The following EFCAB11 variants were observed in gnomAD, a reference collection of about 807,000 sequenced individuals.
EFCAB11 encodes the protein EF-hand calcium-binding domain-containing protein 11.
In EFCAB11, 14 loss-of-function variants were observed where a neutral mutation model predicts 23.0. That is an observed-to-expected ratio of 0.61 (90% CI 0.40 to 0.95). The LOEUF (loss-of-function observed/expected upper bound fraction) is 0.95. EFCAB11 is among the 40% of genes least tolerant of loss of function. EFCAB11 has a pLI of 0.00. For missense variants in EFCAB11, 198 were observed against 195.8 expected (o/e 1.01, Z -0.07); for synonymous variants, 65 against 66.6 (o/e 0.98, Z 0.11).
At chr14:89,878,815 T>C (rs142443506) in intron 5 of EFCAB11, among the ~76,000 whole-genome samples, 8 of 152,212 alleles carry the variant, frequency 5.3e-5, no homozygotes, top group Non-Finnish European at 8.8e-5. Context: ...CTTTCTTGGC[T>C]CTTCTCATTT....
At chr14:89,924,331 G>T in intron 5 of EFCAB11, 1 of 1,080,528 alleles carries the variant, frequency 9.3e-7, no homozygotes, top group Non-Finnish European at 1.1e-6. Context: ...TTGGTGCCTC[G>T]ATATTGCCAC....
At chr14:89,923,991 GC>G (rs1385160449) in intron 5 of EFCAB11, 1 of 944,318 alleles carries the variant, frequency 1.1e-6, no homozygotes, top group Non-Finnish European at 1.2e-6. Context: ...TAACAGAAGA[GC>G]CTATTTGTTT....
rs190311143 is a variant in EFCAB11 at position 89,923,741 on chromosome 14, T to C, written c.410+7800A>G. 13 of 985,430 alleles carry C rather than the reference T, an allele frequency of 1.3e-5. No individual in the cohort carries two copies. In the African/African-American group the frequency reaches 2.1e-4, roughly 16 times the overall value. 61.0% of individuals were successfully genotyped at this position (985,430 alleles called of 1,614,324 possible). ...TAACTGTGATCTTACTGAAGTTGCA[T>C]GATCATACACAGAATCATTCTGAAG... On this transcript the variant is annotated intron_variant, in intron 5 of 5. Transcript: ENST00000316738.
At chr14:89,881,692 C>T (rs1221223924) in intron 5 of EFCAB11, among the ~76,000 whole-genome samples, 2 of 151,408 alleles carry the variant, frequency 1.3e-5, no homozygotes, top group African/African-American at 4.9e-5. Context: ...AGGTGATCTA[C>T]CCACCTTGGC....
At chr14:89,936,462 G>A (rs1890585571) in intron 3 of EFCAB11, among the ~76,000 whole-genome samples, 1 of 152,120 alleles carries the variant, frequency 6.6e-6, no homozygotes, top group Non-Finnish European at 1.5e-5. Flanking sequence ...CACTTAAAAG[G>A]AAAACCCATC....
intron 5 of EFCAB11, among the ~76,000 whole-genome samples, chr14:89,822,689 A>G (rs1030904686): frequency 6.6e-6 from 1 of 152,238 alleles, no homozygotes; most frequent in African/African-American, 2.4e-5. Context: ...GGTACAGATC[A>G]GCTGGATGGC....
chr14:89,817,283 AG>A (rs971083530), intron 5 of EFCAB11, among the ~76,000 whole-genome samples: 1 of 151,414 alleles, frequency 6.6e-6, no homozygotes, highest in South Asian at 2.1e-4. Flanking sequence ...TGGGAGGCCA[AG>A]GGGGGAGAAC....
At chr14:89,937,411 T>C (rs1260894404) in intron 3 of EFCAB11, among the ~76,000 whole-genome samples, 3 of 152,204 alleles carry the variant, frequency 2.0e-5, no homozygotes, top group Non-Finnish European at 4.4e-5. Context: ...GGACCAATGA[T>C]CTTTACAAAT....
intron 3 of EFCAB11, among the ~76,000 whole-genome samples, chr14:89,947,941 TC>T (rs1891036931): frequency 6.6e-6 from 1 of 152,104 alleles, no homozygotes; most frequent in Non-Finnish European, 1.5e-5. Context: ...TCAAACATAC[TC>T]AAAATTGAGC....
chr14:89,818,310 T>G (rs1340667421), intron 5 of EFCAB11, among the ~76,000 whole-genome samples: 1 of 152,046 alleles, frequency 6.6e-6, no homozygotes, highest in Non-Finnish European at 1.5e-5. Flanking sequence ...TAAAGACAAG[T>G]GAGAAAGACC....
In EFCAB11 at chr14:89,931,548, C is replaced by T. The variant is rs771339492; in HGVS notation, c.403G>A (p.Val135Ile). 1 of 1,613,904 alleles carries T rather than the reference C, an allele frequency of 6.2e-7. No individual in the cohort carries two copies. ...PKLPERTVLE[V>I]FREVDRDSDG... ...AGGATTTTGATGCCTTACCTGAATA[C>T]CTCAAGAACAGTCCTTTCCGGTAAT... The change falls in exon 5 of 6, where the codon GTA becomes ATA. Residue 135 changes from valine (V) to isoleucine (I), a missense_variant. Transcript: ENST00000316738.
intron 5 of EFCAB11, among the ~76,000 whole-genome samples, chr14:89,836,015 T>C (rs892190322): frequency 2.0e-5 from 3 of 152,118 alleles, no homozygotes; most frequent in Admixed American, 2.0e-4. Flanking sequence ...GCTAAGATTT[T>C]GCTAGGCAGG....
chr14:89,837,642 C>T (rs1398959279), intron 5 of EFCAB11, among the ~76,000 whole-genome samples: 4 of 152,080 alleles, frequency 2.6e-5, no homozygotes, highest in African/African-American at 9.7e-5. Flanking sequence ...CTGATAGAAC[C>T]ATTTTTAAAA....
chr14:89,925,481 T>C (rs545964503), intron 5 of EFCAB11, among the ~76,000 whole-genome samples: 5 of 152,308 alleles, frequency 3.3e-5, no homozygotes, highest in East Asian at 1.9e-4. Context: ...ATTAATTCTA[T>C]AGTACAAACA....
At chr14:89,855,426 T>C (rs1357126117) in intron 5 of EFCAB11, among the ~76,000 whole-genome samples, 6 of 152,144 alleles carry the variant, frequency 3.9e-5, no homozygotes, top group Admixed American at 2.6e-4. Context: ...CAGTGAGCCA[T>C]GATCGTGCCT....
intron 5 of EFCAB11, chr14:89,924,618 A>C: frequency 1.3e-6 from 2 of 1,535,254 alleles, no homozygotes; most frequent in Non-Finnish European, 1.7e-6. Flanking sequence ...AAAGTCAAGA[A>C]AGAACTTTAA....
intron 5 of EFCAB11, among the ~76,000 whole-genome samples, chr14:89,810,673 T>C (rs1217835477): frequency 1.3e-5 from 2 of 151,550 alleles, no homozygotes; most frequent in African/African-American, 4.9e-5. Flanking sequence ...GGAGAATCAC[T>C]TGAACTCGAC....
At chr14:89,949,997 C>T in intron 3 of EFCAB11, 100 bp downstream of exon 3, 10 of 1,308,882 alleles carry the variant, frequency 7.6e-6, no homozygotes, top group Non-Finnish European at 1.0e-5. Context: ...GTCCCTTCCA[C>T]AACACATAGG....
intron 2 of EFCAB11, 118 bp downstream of exon 2, chr14:89,953,788 C>G: frequency 1.3e-6 from 1 of 759,314 alleles, no homozygotes; most frequent in Non-Finnish European, 2.1e-6. Flanking sequence ...CTGGACACAT[C>G]TCTGAAATTG....
Sources: gnomAD v4.1 joint callset for allele counts (sites outside exome capture counted in the v4.1 genomes callset) on GRCh38, gnomAD v4.1.1 for gene constraint, MANE v1.5 for transcripts, NCBI Gene and HGNC (gene_info 2026-07-23, HGNC 2026-07-21) for gene names.